The following FSIP1 variants were observed in gnomAD, a reference collection of about 807,000 sequenced individuals.
FSIP1 encodes fibrous sheath-interacting protein 1.
Under a neutral mutation model 60.9 loss-of-function variants are expected in FSIP1, and 65 were observed. That is an observed-to-expected ratio of 1.07 (90% confidence interval 0.87 to 1.31). FSIP1 has a LOEUF of 1.31. Among genes scored for constraint, FSIP1 ranks in the 40% most tolerant of loss-of-function variants. The pLI, the probability that FSIP1 is intolerant of heterozygous loss-of-function variation, is 0.00. For missense variants in FSIP1, 675 were observed against 665.5 expected, an observed-to-expected ratio of 1.01 and a Z score of -0.16; for synonymous variants, 209 against 221.2, an observed-to-expected ratio of 0.94 and a Z score of 0.49.
In FSIP1 at chr15:39,738,116, T is replaced by G; in HGVS notation, c.866A>C (p.Lys289Thr). 1 of 1,612,452 alleles carries G rather than the reference T, an allele frequency of 6.2e-7. No homozygotes were observed. The highest frequency in any genetic ancestry group is 8.5e-7 in the Non-Finnish European group (1 of 1,178,942). ...CTCAGAACTGGAGAGCCCGGAATCT[T>G]TCTCATCCAAGTCCTTCAAAAGCTC... is the stretch of plus-strand genomic sequence containing the variant. ...LVELLKDLDE[K>T]DSGLSSSEGD... The change falls in exon 8 of 12, where the codon AAA (lysine) becomes ACA (threonine). Residue 289 changes from lysine (K) to threonine (T), a missense_variant. By Grantham distance (78) the Lys-to-Thr change is moderately conservative. Coordinates refer to ENST00000350221, the MANE Select transcript of FSIP1 (RefSeq NM_152597.5).
intron 10 of FSIP1, among the ~76,000 whole-genome samples, chr15:39,657,634 A>C (rs1893123249): frequency 6.6e-6 from 1 of 152,216 alleles, no homozygotes. Context: ...TCTTGAAATT[A>C]ATATGGTACA....
chr15:39,716,812 C>CTTTTTTTTTTTT (rs72106293), intron 9 of FSIP1, among the ~76,000 whole-genome samples: 1 of 110,208 alleles, frequency 9.1e-6, no homozygotes. Flanking sequence ...CAGGCCATGT[C>CTTTTTTTTTTTT]TTTTTTTTTT....
chr15:39,725,726 T>A (rs1022126460), intron 9 of FSIP1, among the ~76,000 whole-genome samples: 4 of 152,090 alleles, frequency 2.6e-5, no homozygotes, highest in African/African-American at 7.2e-5. Flanking sequence ...TTCCATGAAG[T>A]ACTAAAATAT....
At chr15:39,634,831 G>T (rs2140409275) in intron 10 of FSIP1, among the ~76,000 whole-genome samples, 1 of 152,228 alleles carries the variant, frequency 6.6e-6, no homozygotes, top group South Asian at 2.1e-4. Context: ...AGACATCAGT[G>T]GTACCTAATG....
chr15:39,609,951 T>C (rs1002314792), intron 11 of FSIP1, among the ~76,000 whole-genome samples: 1 of 152,144 alleles, frequency 6.6e-6, no homozygotes, highest in African/African-American at 2.4e-5. Flanking sequence ...AGCTGGCCTA[T>C]CCATAATCAA....
intron 10 of FSIP1, among the ~76,000 whole-genome samples, chr15:39,654,705 G>C (rs1041456253): frequency 6.6e-6 from 1 of 152,180 alleles, no homozygotes; most frequent in African/African-American, 2.4e-5. Context: ...TGGCTGGCTG[G>C]AGCTAGTTCA....
chr15:39,767,656 C>G (rs1897738398), intron 3 of FSIP1, among the ~76,000 whole-genome samples: 1 of 152,148 alleles, frequency 6.6e-6, no homozygotes, highest in African/African-American at 2.4e-5. Flanking sequence ...TTGAGAGGAG[C>G]AGAGGAACAC....
At chr15:39,765,282 C>CAGG (rs1897644831) in intron 4 of FSIP1, among the ~76,000 whole-genome samples, 2 of 147,684 alleles carry the variant, frequency 1.4e-5, no homozygotes, top group South Asian at 2.2e-4. Context: ...CTCTGTCAGC[C>CAGG]AGGCTGGAGT....
At chr15:39,627,408 G>T (rs1174404365) in intron 10 of FSIP1, among the ~76,000 whole-genome samples, 1 of 152,204 alleles carries the variant, frequency 6.6e-6, no homozygotes, top group East Asian at 1.9e-4. Flanking sequence ...TGCTAATAAG[G>T]TGTGGGATGA....
chr15:39,740,663 G>C (rs185125379), intron 6 of FSIP1, among the ~76,000 whole-genome samples: 149 of 152,200 alleles, frequency 9.8e-4, no homozygotes, highest in Middle Eastern at 3.4e-3. Context: ...ATTTAATTTT[G>C]TTTTATAAGG....
At chr15:39,758,320 C>G (rs1396687067) in intron 5 of FSIP1, among the ~76,000 whole-genome samples, 1 of 152,066 alleles carries the variant, frequency 6.6e-6, no homozygotes, top group Admixed American at 6.6e-5. Flanking sequence ...TAAAAGGCCA[C>G]CATAGATCCA....
chr15:39,637,609 A>C (rs1459824316), intron 10 of FSIP1, among the ~76,000 whole-genome samples: 1 of 152,182 alleles, frequency 6.6e-6, no homozygotes, highest in Admixed American at 6.5e-5. Context: ...TAGTCTGTCC[A>C]TTAGTACCGA....
At chr15:39,757,604 A>G (rs1897340259) in intron 5 of FSIP1, among the ~76,000 whole-genome samples, 1 of 152,136 alleles carries the variant, frequency 6.6e-6, no homozygotes, top group African/African-American at 2.4e-5. Context: ...TAAAAAAAAC[A>G]GATATGTGTG....
chr15:39,780,789 T>C (rs1898236839), intron 1 of FSIP1, among the ~76,000 whole-genome samples: 1 of 152,244 alleles, frequency 6.6e-6, no homozygotes, highest in African/African-American at 2.4e-5. Flanking sequence ...GGTTTCACTA[T>C]GTTGGCCAGG....
At position 39,617,728 on chromosome 15, in the gene FSIP1, G is replaced by T. The variant is rs372276786; in HGVS notation, c.1699+7C>A. ...ATTTACCAAAACACATGTTCGCCAA[G>T]CCTCACCTGCTATTGTATTCTCTGG... is the stretch of plus-strand genomic sequence containing the variant. On this transcript the variant is annotated splice_region_variant and intron_variant, in intron 11 of 11. Coordinates refer to ENST00000350221, the MANE Select transcript of FSIP1 (RefSeq NM_152597.5). 216 of 1,603,298 alleles carry T rather than the reference G, an allele frequency of 1.3e-4. No individual in the cohort carries two copies. The highest frequency in any genetic ancestry group is 1.7e-4 in the Non-Finnish European group (201 of 1,174,350).
At chr15:39,602,286 G>C in intron 11 of FSIP1, 1 of 455,628 alleles carries the variant, frequency 2.2e-6, no homozygotes, top group South Asian at 1.6e-5. Flanking sequence ...CACAAAGCCA[G>C]GAATGCCCAT....
At chr15:39,643,074 G>A (rs1595564731) in intron 10 of FSIP1, among the ~76,000 whole-genome samples, 1 of 152,282 alleles carries the variant, frequency 6.6e-6, no homozygotes, top group African/African-American at 2.4e-5. Context: ...TCCTGTAGCA[G>A]TATAATTAAT....
intron 10 of FSIP1, among the ~76,000 whole-genome samples, chr15:39,661,590 C>T (rs1893298521): frequency 6.6e-6 from 1 of 152,152 alleles, no homozygotes; most frequent in Non-Finnish European, 1.5e-5. Flanking sequence ...TTTTTCTGGA[C>T]AGTACGAGTG....
chr15:39,625,158 CCTGGTGA>C (rs1891588055), intron 10 of FSIP1, among the ~76,000 whole-genome samples: 1 of 152,140 alleles, frequency 6.6e-6, no homozygotes, highest in Non-Finnish European at 1.5e-5. Context: ...TATGGGTTTG[CCTGGTGA>C]GAGGCTGCTG....
Sources: allele counts gnomAD v4.1 joint callset (sites outside exome capture counted in the v4.1 genomes callset), GRCh38; gene constraint gnomAD v4.1.1; transcripts MANE v1.5; gene names NCBI Gene and HGNC (gene_info 2026-07-23, HGNC 2026-07-21).